Variants in CNTLN observed in about 807,000 individuals in gnomAD.
CNTLN encodes the protein centlein.
CNTLN carries 212 observed loss-of-function variants against 180.0 expected under a neutral mutation model. The observed-to-expected ratio is 1.18, with a 90% CI of 1.05 to 1.32. The LOEUF is 1.32. Among genes scored for constraint, CNTLN ranks in the 40% most tolerant of loss-of-function variants. The pLI is 0.00. For synonymous variants in CNTLN, 722 were observed against 563.1 expected (o/e 1.28, Z -3.99); for missense variants, 2,095 against 1,610.9 (o/e 1.30, Z -5.14).
At chr9:17,179,564 C>G (rs1379351773) in intron 2 of CNTLN, among the ~76,000 whole-genome samples, 1 of 152,108 alleles carries the variant, frequency 6.6e-6, no homozygotes, top group Non-Finnish European at 1.5e-5. Flanking sequence ...TTAAATTTGA[C>G]AAGGTTTGTT....
chr9:17,219,231 T>A (rs564291691), intron 2 of CNTLN, among the ~76,000 whole-genome samples: 65 of 150,450 alleles, frequency 4.3e-4, no homozygotes, highest in South Asian at 1.2e-3. Flanking sequence ...CTCCTGGCAG[T>A]GTCTTTTTTT....
chr9:17,365,731 G>A (rs72703902), intron 12 of CNTLN, among the ~76,000 whole-genome samples: 7 of 152,288 alleles, frequency 4.6e-5, no homozygotes, highest in South Asian at 2.1e-4. Context: ...AGGCCAAGAT[G>A]AGTAGGTTGC....
chr9:17,222,073 A>G (rs958531085), intron 2 of CNTLN, among the ~76,000 whole-genome samples: 1 of 152,014 alleles, frequency 6.6e-6, no homozygotes, highest in African/African-American at 2.4e-5. Context: ...GCCCTGGATC[A>G]TTCCTGTCAG....
At chr9:17,502,072 T>A (rs1833779179) in intron 25 of CNTLN, among the ~76,000 whole-genome samples, 1 of 151,126 alleles carries the variant, frequency 6.6e-6, no homozygotes, top group South Asian at 2.1e-4. Context: ...GGGTATACTT[T>A]TGCGATTTTT....
At chr9:17,474,673 A>T (rs1832233416) in intron 23 of CNTLN, among the ~76,000 whole-genome samples, 1 of 152,140 alleles carries the variant, frequency 6.6e-6, no homozygotes, top group African/African-American at 2.4e-5. Context: ...GTTCAAGACC[A>T]GCCTGGCCAA....
intron 1 of CNTLN, among the ~76,000 whole-genome samples, chr9:17,138,747 G>A (rs1023315882): frequency 5.9e-5 from 9 of 152,170 alleles, no homozygotes; most frequent in African/African-American, 1.9e-4. Flanking sequence ...ACAGTTTCAA[G>A]TGTTTGTTGA....
At chr9:17,234,302 G>C (rs553243723) in intron 3 of CNTLN, among the ~76,000 whole-genome samples, 42 of 152,028 alleles carry the variant, frequency 2.8e-4, no homozygotes, top group Non-Finnish European at 5.7e-4. Flanking sequence ...AAATTAGCTG[G>C]GTTGGTGGCA....
In CNTLN at chr9:17,343,748, A is replaced by G. The variant is rs143964999; in HGVS notation, c.1886+1304A>G. Among the ~76,000 whole-genome samples the G allele has an allele frequency of 5.5e-3, 835 of 152,244 alleles. 6 individuals are homozygous for G. Among genetic ancestry groups the G allele is most frequent in the African/African-American group, 0.019 (802 of 41,538 alleles). The stretch of plus-strand genomic sequence containing the variant: ...TGGTATATTCAGAGCTGCACCGTCC[A>G]TTATCACAATCTATTTTAGATTTAC... On this transcript the variant is annotated intron_variant, in intron 12 of 25. Coordinates refer to ENST00000380647, the MANE Select transcript of CNTLN (RefSeq NM_017738.4).
At chr9:17,269,166 C>A (rs977836799) in intron 5 of CNTLN, among the ~76,000 whole-genome samples, 1 of 152,122 alleles carries the variant, frequency 6.6e-6, no homozygotes, top group African/African-American at 2.4e-5. Context: ...TGTTCCTATT[C>A]GGCCATGTTG....
At chr9:17,300,915 A>T (rs1425406482) in intron 7 of CNTLN, 15 of 934,148 alleles carry the variant, frequency 1.6e-5, no homozygotes, top group Non-Finnish European at 1.9e-5. Flanking sequence ...ATCTGCATAG[A>T]TACCATTTTA....
At chr9:17,295,543 C>G (rs10963012) in intron 6 of CNTLN, among the ~76,000 whole-genome samples, 45,686 of 151,818 alleles carry the variant, frequency 0.3, 7,137 homozygotes, top group African/African-American at 0.37. Flanking sequence ...AGAGAACTTG[C>G]ATACCTCAGT....
intron 2 of CNTLN, among the ~76,000 whole-genome samples, chr9:17,216,054 C>G (rs1274834811): frequency 6.6e-6 from 1 of 152,106 alleles, no homozygotes; most frequent in Non-Finnish European, 1.5e-5. Flanking sequence ...GCTGCACCCA[C>G]TGTCCTGCAC....
intron 5 of CNTLN, among the ~76,000 whole-genome samples, chr9:17,245,966 C>T (rs780624316): frequency 6.6e-6 from 1 of 152,036 alleles, no homozygotes; most frequent in African/African-American, 2.4e-5. Flanking sequence ...GACTGCACTT[C>T]CTCAAAGCAA....
chr9:17,366,078 G>C (rs1177947096), intron 12 of CNTLN, among the ~76,000 whole-genome samples: 2 of 152,124 alleles, frequency 1.3e-5, no homozygotes, highest in African/African-American at 2.4e-5. Context: ...TGATTTTCCA[G>C]GTCCTCAGTA....
At chr9:17,426,210 A>G (rs1171054899) in intron 18 of CNTLN, among the ~76,000 whole-genome samples, 1 of 152,216 alleles carries the variant, frequency 6.6e-6, no homozygotes, top group African/African-American at 2.4e-5. Flanking sequence ...CTATTTAACT[A>G]TAAACCTGCA....
At chr9:17,136,490 T>C (rs111684439) in intron 1 of CNTLN, among the ~76,000 whole-genome samples, 7,899 of 152,210 alleles carry the variant, frequency 0.052, 256 homozygotes, top group East Asian at 0.17. Context: ...CCACCACGCC[T>C]GGCTAATTTT....
rs149879977 is a variant in CNTLN at position 17,216,000 on chromosome 9, C to T, written c.450-10203C>T. 5.8e-3 allele frequency among the ~76,000 whole-genome samples: 882 copies of T among 152,180 alleles called. 34 individuals are homozygous for T. In the East Asian group the frequency reaches 0.1, roughly 17 times the overall value. On this transcript the variant is annotated intron_variant, in intron 2 of 25. Coordinates refer to ENST00000380647, the MANE Select transcript of CNTLN (RefSeq NM_017738.4). ...GAAATCCCTGACCCCTTACACTTCC[C>T]GGGTGAGGCAGTGCCTCACCCTGCT...
chr9:17,270,800 T>C (rs997514558), intron 5 of CNTLN, among the ~76,000 whole-genome samples: 7 of 152,010 alleles, frequency 4.6e-5, no homozygotes, highest in African/African-American at 1.7e-4. Flanking sequence ...TTTGAAATTT[T>C]CTATTTTTTC....
intron 5 of CNTLN, among the ~76,000 whole-genome samples, chr9:17,250,504 T>A (rs749241747): frequency 3.3e-5 from 5 of 152,046 alleles, no homozygotes; most frequent in South Asian, 2.1e-4. Context: ...TTAGTATATA[T>A]GTTATTGATA....
Sources: gnomAD v4.1 joint callset for allele counts (sites outside exome capture counted in the v4.1 genomes callset) on GRCh38, gnomAD v4.1.1 for gene constraint, MANE v1.5 for transcripts, NCBI Gene and HGNC (gene_info 2026-07-23, HGNC 2026-07-21) for gene names.